The following CDKAL1 variants were observed in gnomAD, a reference collection of about 807,000 sequenced individuals.
CDKAL1 encodes threonylcarbamoyladenosine tRNA methylthiotransferase.
Under a neutral mutation model 68.2 loss-of-function variants are expected in CDKAL1, and 32 were observed. The ratio of observed to expected loss-of-function variants is 0.47; its 90% confidence interval spans 0.35 to 0.63. CDKAL1 has a LOEUF of 0.63. Ranked by LOEUF, CDKAL1 falls within the 30% of genes least tolerant of loss-of-function variation. The pLI is 0.00. For missense variants in CDKAL1, 606 were observed against 696.7 expected (o/e 0.87, Z 1.47); for synonymous variants, 234 against 244.3 (o/e 0.96, Z 0.39).
intron 15 of CDKAL1, among the ~76,000 whole-genome samples, chr6:21,221,876 A>T (rs1285060870): frequency 6.6e-6 from 1 of 152,166 alleles, no homozygotes; most frequent in East Asian, 1.9e-4. Context: ...GCTTACAGAG[A>T]GTAATAATTA....
At chr6:21,180,880 C>CT (rs956708062) in intron 13 of CDKAL1, among the ~76,000 whole-genome samples, 1 of 152,028 alleles carries the variant, frequency 6.6e-6, no homozygotes, top group African/African-American at 2.4e-5. Flanking sequence ...TTGTCTTAGT[C>CT]TTTTTTTTCT....
chr6:20,588,594 G>A (rs1353744698), intron 4 of CDKAL1, among the ~76,000 whole-genome samples: 1 of 152,104 alleles, frequency 6.6e-6, no homozygotes, highest in Non-Finnish European at 1.5e-5. Flanking sequence ...GCACTCCTAC[G>A]TTCGGTAGCT....
intron 9 of CDKAL1, among the ~76,000 whole-genome samples, chr6:20,857,724 T>C (rs1759408939): frequency 6.6e-6 from 1 of 152,182 alleles, no homozygotes; most frequent in Non-Finnish European, 1.5e-5. Flanking sequence ...AAACATTTGA[T>C]CAAAGTAGTA....
intron 5 of CDKAL1, among the ~76,000 whole-genome samples, chr6:20,713,266 CT>C (rs1395843288): frequency 6.6e-6 from 1 of 152,160 alleles, no homozygotes; most frequent in Admixed American, 6.5e-5. Flanking sequence ...TAGAAAAGAG[CT>C]TACACTAACA....
At chr6:21,200,837 G>T (rs1433624290) in intron 14 of CDKAL1, 1 of 256,436 alleles carries the variant, frequency 3.9e-6, no homozygotes, top group Non-Finnish European at 7.6e-6. Flanking sequence ...ACTTTGTAGG[G>T]GATCCCAGAA....
intron 8 of CDKAL1, chr6:20,799,930 CT>C (rs1776297192): frequency 6.6e-6 from 1 of 152,204 alleles, no homozygotes; most frequent in Admixed American, 6.5e-5. Flanking sequence ...TAAATTTACC[CT>C]TTTGCATGTT....
intron 4 of CDKAL1, among the ~76,000 whole-genome samples, chr6:20,603,243 A>G (rs1307325232): frequency 2.6e-5 from 4 of 152,176 alleles, no homozygotes; most frequent in Non-Finnish European, 5.9e-5. Flanking sequence ...TGACTTTGCT[A>G]GAGACTGAAC....
At chr6:20,789,187 C>T (rs536704026) in intron 8 of CDKAL1, among the ~76,000 whole-genome samples, 1 of 152,202 alleles carries the variant, frequency 6.6e-6, no homozygotes, top group Non-Finnish European at 1.5e-5. Flanking sequence ...TGTCCACAAA[C>T]CAGTTGTCCT....
chr6:20,538,339 T>G (rs903740442), intron 2 of CDKAL1, among the ~76,000 whole-genome samples: 14 of 152,212 alleles, frequency 9.2e-5, no homozygotes, highest in Non-Finnish European at 1.8e-4. Flanking sequence ...CACATTAGAT[T>G]CTTGCATTGT....
intron 4 of CDKAL1, among the ~76,000 whole-genome samples, chr6:20,624,225 G>A (rs1170959703): frequency 1.3e-5 from 2 of 152,012 alleles, no homozygotes; most frequent in Non-Finnish European, 2.9e-5. Flanking sequence ...TAGGTAGTCA[G>A]TTCTTGGTAG....
chr6:21,064,183 G>T (rs1009158324), intron 11 of CDKAL1, among the ~76,000 whole-genome samples: 1 of 152,116 alleles, frequency 6.6e-6, no homozygotes, highest in Non-Finnish European at 1.5e-5. Context: ...CTAAGACCAC[G>T]CATGCAGAGA....
chr6:21,144,067 G>A (rs999881727), intron 13 of CDKAL1, among the ~76,000 whole-genome samples: 2 of 152,060 alleles, frequency 1.3e-5, no homozygotes, highest in Non-Finnish European at 2.9e-5. Flanking sequence ...TCCATGTGAA[G>A]TTTTAAATTT....
intron 10 of CDKAL1, among the ~76,000 whole-genome samples, chr6:20,993,895 C>T (rs1252046610): frequency 2.0e-5 from 3 of 152,178 alleles, no homozygotes; most frequent in Non-Finnish European, 4.4e-5. Flanking sequence ...TGGTTAATAT[C>T]TATATTTTAA....
At chr6:21,048,024 G>A (rs537414344) in intron 11 of CDKAL1, among the ~76,000 whole-genome samples, 1 of 152,292 alleles carries the variant, frequency 6.6e-6, no homozygotes, top group African/African-American at 2.4e-5. Flanking sequence ...AGCATTGTAT[G>A]TACCCACTGG....
At chr6:21,216,050 G>A (rs1779330682) in intron 15 of CDKAL1, among the ~76,000 whole-genome samples, 1 of 152,268 alleles carries the variant, frequency 6.6e-6, no homozygotes, top group Middle Eastern at 3.4e-3. Context: ...ATGGAAGCAG[G>A]CTGTGAGCCT....
intron 11 of CDKAL1, among the ~76,000 whole-genome samples, chr6:21,005,608 G>T (rs868557805): frequency 1.3e-5 from 2 of 152,290 alleles, no homozygotes; most frequent in African/African-American, 2.4e-5. Flanking sequence ...CCTGCAAGTT[G>T]CATGGATCTA....
intron 4 of CDKAL1, among the ~76,000 whole-genome samples, chr6:20,564,765 ATTAT>A (rs1227045717): frequency 6.6e-6 from 1 of 152,322 alleles, no homozygotes; most frequent in Non-Finnish European, 1.5e-5. Flanking sequence ...CCACAAATAA[ATTAT>A]TTATGTGGCT....
intron 9 of CDKAL1, among the ~76,000 whole-genome samples, chr6:20,874,261 T>G (rs1189976955): frequency 1.3e-5 from 2 of 151,936 alleles, no homozygotes; most frequent in Admixed American, 1.3e-4. Context: ...TCCATGTTTC[T>G]AGATGAAAAG....
intron 9 of CDKAL1, among the ~76,000 whole-genome samples, chr6:20,948,888 G>T (rs1013290730): frequency 3.9e-5 from 6 of 152,176 alleles, no homozygotes; most frequent in Non-Finnish European, 7.3e-5. Context: ...TCCTTTTATG[G>T]TATTTAGTTT....
Sources: allele counts gnomAD v4.1 joint callset (sites outside exome capture counted in the v4.1 genomes callset), GRCh38; gene constraint gnomAD v4.1.1; transcripts MANE v1.5; gene names NCBI Gene and HGNC (gene_info 2026-07-23, HGNC 2026-07-21).